The following SREBF1 variants were observed in gnomAD, a reference collection of about 807,000 sequenced individuals.
The protein encoded by SREBF1 is sterol regulatory element binding transcription factor 1.
In SREBF1, 45 loss-of-function variants were observed where a neutral mutation model predicts 100.1. The observed-to-expected ratio is 0.45, with a 90% CI of 0.35 to 0.58. SREBF1 has a LOEUF of 0.58. Among genes scored for constraint, SREBF1 ranks in the 20% least tolerant of loss-of-function variants. The pLI is 0.00. For missense variants in SREBF1, 1,324 were observed against 1,539.4 expected (o/e 0.86, Z 2.34); for synonymous variants, 657 against 681.8 (o/e 0.96, Z 0.57).
Position 17,812,482 on chromosome 17 carries a change from G to GCA in SREBF1, c.*138_*139dup. 1.1e-6 allele frequency: 1 copy of GCA among 883,070 alleles called. No individual in the cohort carries two copies. Among genetic ancestry groups the GCA allele is most frequent in the South Asian group, 1.7e-5 (1 of 60,424 alleles). The allele number at this position is 883,070 out of a possible 1,614,324, so 54.7% of individuals were successfully genotyped here. On this transcript the variant is annotated 3_prime_UTR_variant, in exon 19 of 19. Coordinates refer to ENST00000261646, the MANE Select transcript of SREBF1 (RefSeq NM_004176.5). ...GCCCCTCGGGCCTTCCACCGCGAAG[G>GCA]CACACAGCAGCCGCAGGTCGAACTG...
In SREBF1 at chr17:17,817,529, G is replaced by C. The variant is rs760575569; in HGVS notation, c.1405-72C>G. On this transcript the variant is annotated intron_variant, in intron 7 of 18. Transcript: ENST00000261646. The surrounding 1 kb of genome is among the most constrained non-coding windows in gnomAD (Gnocchi z 6.6). ...AGAGAGCATGGGGCTGGGAAGGGGG[G>C]GGTCAGGATTCTGCCCACCTTACTG... 3.3e-5 allele frequency: 51 copies of C among 1,539,148 alleles called. No homozygotes were observed. Among genetic ancestry groups the C allele is most frequent in the Non-Finnish European group, 4.2e-5 (48 of 1,135,348 alleles).
Position 17,823,645 on chromosome 17 carries a change from C to G in SREBF1, c.92-3124G>C, listed in dbSNP as rs539330632. On this transcript the variant is annotated intron_variant, in intron 1 of 18. Transcript: ENST00000261646. Reference sequence around the variant, plus strand: ...GGCGGATTTTTGAAGCCGTTGAGCGCTGCGGCGCGCCCGCCCCGCCCCGCC... The same window carrying G: ...GGCGGATTTTTGAAGCCGTTGAGCGGTGCGGCGCGCCCGCCCCGCCCCGCC... The G allele has an allele frequency of 5.5e-5, 84 of 1,533,366 alleles. No homozygotes were observed. In the South Asian group the frequency reaches 7.6e-4, roughly 14 times the overall value. The allele number at this position is 1,533,366 out of a possible 1,614,324, so 95.0% of individuals were successfully genotyped here. A position where few individuals can be genotyped will look rare whatever the true frequency, so the allele number is the denominator to read the frequency against.
Position 17,833,420 on chromosome 17 carries a change from C to CA in SREBF1, c.91+3306dup, listed in dbSNP as rs56369932. ...TGGGCGACAGAGCAAGACTCCGTCT[C>CA]AAAAAAAAAAAAAAAAAAAAAAAAA... On this transcript the variant is annotated intron_variant, in intron 1 of 18. Coordinates refer to ENST00000261646, the MANE Select transcript of SREBF1 (RefSeq NM_004176.5). Among the ~76,000 whole-genome samples, 82 of 51,082 alleles carry CA rather than the reference C, an allele frequency of 1.6e-3. 1 individual carries two copies. The highest frequency in any genetic ancestry group is 1.9e-3 in the Non-Finnish European group (63 of 32,926). 33.5% of individuals were successfully genotyped at this position (51,082 alleles called of 152,430 possible). A position where few individuals can be genotyped will look rare whatever the true frequency, so the allele number is the denominator to read the frequency against.
Position 17,819,621 on chromosome 17 carries a change from G to A in SREBF1, c.628C>T (p.Pro210Ser). 4 of 1,613,432 alleles carry A rather than the reference G, an allele frequency of 2.5e-6. No individual in the cohort carries two copies. The highest frequency in any genetic ancestry group is 3.4e-6 in the Non-Finnish European group (4 of 1,179,722). The change falls in exon 3 of 19, where the codon CCC becomes TCC. Residue 210 changes from proline (P) to serine (S), a missense_variant. Pro to Ser is a moderately conservative substitution (Grantham distance 74). Coordinates refer to ENST00000261646, the MANE Select transcript of SREBF1 (RefSeq NM_004176.5). Reference protein sequence around the residue: ...SLHTQVQSVVPQQLLTVTAAP... With the variant: ...SLHTQVQSVVSQQLLTVTAAP... ...GCTGTGACTGTCAGTAGCTGCTGGGGGACCACACTCTGGACCTGGGTGTGC... is the reference window on the plus strand; with the variant it reads ...GCTGTGACTGTCAGTAGCTGCTGGGAGACCACACTCTGGACCTGGGTGTGC...
chr17:17,819,369 C>T lies in SREBF1; in HGVS notation c.797G>A (p.Gly266Asp), dbSNP rs1233530157. The change falls in exon 4 of 19, where the codon GGT becomes GAT. Residue 266 changes from glycine to aspartate, a missense_variant. Coordinates refer to ENST00000261646, the MANE Select transcript of SREBF1 (RefSeq NM_004176.5). Reference sequence around the variant, plus strand: ...GGTGCCAGAGACCAGGGGACTGAGACCTGCCGCCTTCACAGTGGCTCCGTC... The same window carrying T: ...GGTGCCAGAGACCAGGGGACTGAGATCTGCCGCCTTCACAGTGGCTCCGTC... The part of the protein sequence containing the change: ...KTDGATVKAA[G>D]LSPLVSGTTV... 5 of 1,613,872 alleles carry T rather than the reference C, an allele frequency of 3.1e-6. No homozygotes were observed. The East Asian group carries it at 6.7e-5, about 22-fold the overall frequency.
Position 17,817,570 on chromosome 17 carries a change from C to T in SREBF1, c.1405-113G>A, listed in dbSNP as rs751047506. ...CACCTTACTGTGGGACCCCACGTGG[C>T]TCCAGGCCTCAGTTATTCTGTCTAT... On this transcript the variant is annotated intron_variant, in intron 7 of 18. Coordinates refer to ENST00000261646, the MANE Select transcript of SREBF1 (RefSeq NM_004176.5). This position sits in a 1 kb window ranked among gnomAD's most constrained non-coding sequence, Gnocchi z 6.6. The T allele has an allele frequency of 2.6e-6, 4 of 1,524,548 alleles. No homozygotes were observed. The South Asian group carries it at 3.6e-5, about 14-fold the overall frequency. 94.4% of individuals were successfully genotyped at this position (1,524,548 alleles called of 1,614,324 possible).
In SREBF1 at chr17:17,836,811, C is replaced by G; in HGVS notation, c.7G>C (p.Glu3Gln). 1.3e-6 allele frequency: 2 copies of G among 1,534,080 alleles called. No homozygotes were observed. The highest frequency in any genetic ancestry group is 1.7e-6 in the Non-Finnish European group (2 of 1,147,036). MDEPPFSEAALEQ... is the reference protein window; with the variant it reads MDQPPFSEAALEQ... ...AAAGCCGCCTCGCTGAAGGGTGGCT[C>G]GTCCATGGCGCAGCCGCCTCCTCCG... Residue 3 changes from glutamate to glutamine, a missense_variant, in exon 1 of 19, where the codon GAG (glutamate) becomes CAG (glutamine). Physicochemically the swap from Glu to Gln is conservative, Grantham distance 29. Transcript: ENST00000261646.
At chr17:17,836,364 C>G (rs1407676407) in intron 1 of SREBF1, among the ~76,000 whole-genome samples, 1 of 152,246 alleles carries the variant, frequency 6.6e-6, no homozygotes, top group East Asian at 1.9e-4. Context: ...GGGGCTGGGG[C>G]GGAGCTTCGG....
intron 1 of SREBF1, among the ~76,000 whole-genome samples, chr17:17,832,922 AAAAC>A (rs1222735936): frequency 2.0e-5 from 3 of 151,340 alleles, no homozygotes; most frequent in East Asian, 1.9e-4. Flanking sequence ...CTCTGTCTCA[AAAAC>A]AAACAAACAA....
intron 1 of SREBF1, among the ~76,000 whole-genome samples, chr17:17,833,546 G>A (rs1231038856): frequency 6.7e-6 from 1 of 149,342 alleles, no homozygotes; most frequent in African/African-American, 2.5e-5. Context: ...AGAAGTATAA[G>A]GGATCTCACT....
intron 1 of SREBF1, among the ~76,000 whole-genome samples, chr17:17,827,170 AG>A (rs927539709): frequency 1.3e-5 from 2 of 152,186 alleles, no homozygotes; most frequent in African/African-American, 4.8e-5. Context: ...GGAGGCAGTG[AG>A]GGGGTGGAGG....
intron 1 of SREBF1, among the ~76,000 whole-genome samples, chr17:17,826,656 C>T (rs2034510675): frequency 6.6e-6 from 1 of 152,216 alleles, no homozygotes; most frequent in Non-Finnish European, 1.5e-5. Context: ...CTTCTTCTTC[C>T]TCTCCTGCCC....
rs1296560162 is a variant in SREBF1 at position 17,816,729 on chromosome 17, G to A, written c.1786-11C>T. The A allele has an allele frequency of 6.4e-7, 1 of 1,573,760 alleles. No individual in the cohort carries two copies. Among genetic ancestry groups the A allele is most frequent in the Non-Finnish European group, 8.6e-7 (1 of 1,160,726 alleles). ...CTGGGCAAAGTCTCCCTGTGGATGA[G>A]GGTTTTCCAGGTGAGAAAAGTGAGG... is the stretch of plus-strand genomic sequence containing the variant. On this transcript the variant is annotated splice_polypyrimidine_tract_variant and intron_variant, in intron 9 of 18. Transcript: ENST00000261646.
chr17:17,821,437 G>A (rs1483526752), intron 1 of SREBF1, among the ~76,000 whole-genome samples: 7 of 152,168 alleles, frequency 4.6e-5, no homozygotes, highest in African/African-American at 1.7e-4. Flanking sequence ...GGAGGGAGGA[G>A]CAGTCTAGGG....
intron 16 of SREBF1, 104 bp from the exon 17 acceptor site, chr17:17,813,873 G>T: frequency 2.5e-6 from 3 of 1,190,806 alleles, no homozygotes; most frequent in Non-Finnish European, 3.6e-6. Context: ...CACTGCCGAG[G>T]CACTGCACCC....
At chr17:17,835,596 G>A (rs141784290) in intron 1 of SREBF1, among the ~76,000 whole-genome samples, 6 of 152,314 alleles carry the variant, frequency 3.9e-5, no homozygotes, top group East Asian at 3.9e-4. Flanking sequence ...CTGCGACCTT[G>A]GCCTCAGTTT....
chr17:17,829,205 A>AAAAAAAAAAAAATATATATAT (rs1210718799), intron 1 of SREBF1, among the ~76,000 whole-genome samples: 2 of 65,848 alleles, frequency 3.0e-5, no homozygotes, highest in African/African-American at 1.8e-4. Flanking sequence ...AAAAAAAAAA[A>AAAAAAAAAAAAATATATATAT]ATATATATAT....
At position 17,817,081 on chromosome 17, in the gene SREBF1, C is replaced by A. The variant is rs764604749; in HGVS notation, c.1662G>T (p.Gly554=). Reference sequence around the variant, plus strand: ...GCACCAAGGAGACGAGCACCAACAGCCCATTGAGCAGCCAGACCACTGGGG... The same window carrying A: ...GCACCAAGGAGACGAGCACCAACAGACCATTGAGCAGCCAGACCACTGGGG... ...LLPPVVWLLN[G]LLVLVSLVLL... The change falls in exon 9 of 19, where the codon GGG becomes GGT. Residue 554 remains glycine, a synonymous_variant. Transcript: ENST00000261646. The surrounding 1 kb of genome is among the most constrained non-coding windows in gnomAD (Gnocchi z 6.6). 1.9e-6 allele frequency: 3 copies of A among 1,613,156 alleles called. No individual in the cohort carries two copies. The East Asian group carries it at 6.7e-5, about 36-fold the overall frequency.
chr17:17,820,549 G>A (rs1284513324), intron 1 of SREBF1, 28 bp from the exon 2 acceptor site: 1 of 1,609,958 alleles, frequency 6.2e-7, no homozygotes, highest in East Asian at 2.2e-5. Context: ...GGGTGCGTGA[G>A]TGAGGCAGAG....
Sources: allele counts gnomAD v4.1 joint callset (sites outside exome capture counted in the v4.1 genomes callset), GRCh38; gene constraint gnomAD v4.1.1; non-coding constraint Gnocchi (gnomAD v3.1); transcripts MANE v1.5; gene names NCBI Gene and HGNC (gene_info 2026-07-23, HGNC 2026-07-21).